Variants in PRKCE observed in about 807,000 individuals in gnomAD.
PRKCE encodes protein kinase C epsilon, also known as protein kinase C epsilon type.
A neutral mutation model predicts 85.4 loss-of-function variants in PRKCE; 16 were observed. The ratio of observed to expected loss-of-function variants is 0.19; its 90% confidence interval spans 0.13 to 0.28. The LOEUF is 0.28. PRKCE is among the 10% of genes least tolerant of loss of function. PRKCE has a pLI of 1.00. For synonymous variants in PRKCE, 388 were observed against 371.5 expected, an observed-to-expected ratio of 1.04 and a Z score of -0.51; for missense variants, 573 against 975.2, an observed-to-expected ratio of 0.59 and a Z score of 5.49.
At chr2:46,126,050 C>T (rs1574537889) in intron 11 of PRKCE, among the ~76,000 whole-genome samples, 1 of 152,332 alleles carries the variant, frequency 6.6e-6, no homozygotes, top group East Asian at 1.9e-4. Context: ...TGGGCTCAGG[C>T]AGTGTTGTTT....
intron 2 of PRKCE, among the ~76,000 whole-genome samples, chr2:45,930,218 C>G (rs905130865): frequency 1.3e-5 from 2 of 152,168 alleles, no homozygotes; most frequent in Non-Finnish European, 2.9e-5. Flanking sequence ...ATGTCACAGA[C>G]TGAATTAGAA....
chr2:45,795,719 C>T (rs141885027), intron 1 of PRKCE, among the ~76,000 whole-genome samples: 15 of 152,314 alleles, frequency 9.8e-5, no homozygotes, highest in African/African-American at 3.6e-4. Flanking sequence ...GCTCTGTGGG[C>T]CCTGGTTCCG....
chr2:46,082,902 A>T (rs72806767), intron 10 of PRKCE, among the ~76,000 whole-genome samples: 2,826 of 152,272 alleles, frequency 0.019, 46 homozygotes, highest in Non-Finnish European at 0.029. Flanking sequence ...TTTAACATAT[A>T]ATTTAACCTT....
chr2:45,994,347 A>G (rs907421790), intron 6 of PRKCE, among the ~76,000 whole-genome samples: 1 of 152,116 alleles, frequency 6.6e-6, no homozygotes, highest in African/African-American at 2.4e-5. Flanking sequence ...GTACATTTCC[A>G]TGATTTTGGA....
At chr2:45,967,139 T>C (rs1701785881) in intron 2 of PRKCE, among the ~76,000 whole-genome samples, 1 of 152,140 alleles carries the variant, frequency 6.6e-6, no homozygotes. Context: ...TTCCTGTAAA[T>C]ACCCCCATGG....
intron 14 of PRKCE, among the ~76,000 whole-genome samples, chr2:46,162,705 G>C (rs1677903167): frequency 6.6e-6 from 1 of 152,246 alleles, no homozygotes; most frequent in African/African-American, 2.4e-5. Context: ...GATCCTTAGA[G>C]AGTTCTCAGC....
At chr2:45,741,123 C>T (rs1216995044) in intron 1 of PRKCE, among the ~76,000 whole-genome samples, 1 of 152,142 alleles carries the variant, frequency 6.6e-6, no homozygotes, top group Non-Finnish European at 1.5e-5. Context: ...TGAATGCTGG[C>T]TTCGGGGATC....
intron 2 of PRKCE, among the ~76,000 whole-genome samples, chr2:45,924,714 C>A (rs1168392507): frequency 2.0e-5 from 3 of 152,260 alleles, no homozygotes; most frequent in Non-Finnish European, 4.4e-5. Flanking sequence ...GCTGCTGTTA[C>A]ATTACTGGCC....
At chr2:45,928,244 C>G (rs1386703981) in intron 2 of PRKCE, among the ~76,000 whole-genome samples, 2 of 152,192 alleles carry the variant, frequency 1.3e-5, no homozygotes, top group African/African-American at 2.4e-5. Context: ...AGACTCAAAG[C>G]TATAATGCTT....
chr2:45,828,888 A>T (rs932079796), intron 1 of PRKCE, among the ~76,000 whole-genome samples: 1 of 152,156 alleles, frequency 6.6e-6, no homozygotes, highest in Non-Finnish European at 1.5e-5. Context: ...CTTTTTCTTT[A>T]GCATATGTAC....
Position 45,800,885 on chromosome 2 carries a change from G to A in PRKCE, c.349-42115G>A, listed in dbSNP as rs79692033. On this transcript the variant is annotated intron_variant, in intron 1 of 14. Transcript: ENST00000306156. ...CATGGTTCCAGGTCCTCCCAGAGCC[G>A]GGGATTATAATCCACTCTATGAGAG... is the stretch of plus-strand genomic sequence containing the variant. 4.1e-3 allele frequency among the ~76,000 whole-genome samples: 624 copies of A among 152,220 alleles called. 5 individuals carry two copies. Among genetic ancestry groups the A allele is most frequent in the African/African-American group, 0.014 (595 of 41,516 alleles).
rs1675964415 is a variant in PRKCE, at chr2:46,145,331, C to CTGTGGGG, written c.1731+101_1731+102insGTGGGGT. On this transcript the variant is annotated intron_variant, in intron 12 of 14. Transcript: ENST00000306156. The surrounding 1 kb of genome is among the most constrained non-coding windows in gnomAD (Gnocchi z 4.6). ...GTCATCTAGTGGTGCTGGGGGAAGGCTCTGGAAATCCAGGATGGATTCTAG... is the reference window on the plus strand; with the variant it reads ...GTCATCTAGTGGTGCTGGGGGAAGGCTGTGGGGTCTGGAAATCCAGGATGGATTCTAG... 1 of 1,459,300 alleles carries CTGTGGGG rather than the reference C, an allele frequency of 6.9e-7. No individual in the cohort carries two copies. The highest frequency in any genetic ancestry group is 9.3e-7 in the Non-Finnish European group (1 of 1,073,590). The allele number at this position is 1,459,300 out of a possible 1,614,324, so 90.4% of individuals were successfully genotyped here. A position where few individuals can be genotyped will look rare whatever the true frequency, so the allele number is the denominator to read the frequency against.
chr2:45,876,017 G>A (rs1024938755), intron 2 of PRKCE, among the ~76,000 whole-genome samples: 12 of 152,156 alleles, frequency 7.9e-5, no homozygotes, highest in African/African-American at 2.7e-4. Context: ...TTCTATGGGG[G>A]CTAAAAATCT....
chr2:45,963,127 G>C (rs916248369), intron 2 of PRKCE, among the ~76,000 whole-genome samples: 9 of 152,044 alleles, frequency 5.9e-5, no homozygotes, highest in Non-Finnish European at 1.0e-4. Context: ...AGATGGGCCT[G>C]GGTCGATAGA....
Position 45,697,447 on chromosome 2 carries a change from G to A in PRKCE, c.348+44999G>A, listed in dbSNP as rs1678247891. On this transcript the variant is annotated intron_variant, in intron 1 of 14. Transcript: ENST00000306156. This position sits in a 1 kb window ranked among gnomAD's most constrained non-coding sequence, Gnocchi z 4.2. ...TATTTATTTAGCCAGGACAGATAAG[G>A]ACTAACAAACAAAACCAAACCAGAG... is the stretch of plus-strand genomic sequence containing the variant. Among the ~76,000 whole-genome samples, 1 of 152,134 alleles carries A rather than the reference G, an allele frequency of 6.6e-6. No individual in the cohort carries two copies. The highest frequency in any genetic ancestry group is 2.1e-4 in the South Asian group (1 of 4,828).
intron 1 of PRKCE, among the ~76,000 whole-genome samples, chr2:45,827,241 C>G (rs981235637): frequency 3.0e-4 from 45 of 152,224 alleles, no homozygotes; most frequent in Admixed American, 2.9e-3. Context: ...CTGGCTTTTT[C>G]GATGATCAGG....
At chr2:46,100,328 T>C (rs1288678984) in intron 11 of PRKCE, among the ~76,000 whole-genome samples, 1 of 152,106 alleles carries the variant, frequency 6.6e-6, no homozygotes, top group African/African-American at 2.4e-5. Context: ...CGTCTGTGGG[T>C]TTTCCTCCCT....
At chr2:45,666,690 C>T (rs1027874126) in intron 1 of PRKCE, among the ~76,000 whole-genome samples, 9 of 151,982 alleles carry the variant, frequency 5.9e-5, no homozygotes, top group South Asian at 2.1e-4. Context: ...TTGTGCCCTC[C>T]GTTTAAAATT....
At chr2:46,126,944 T>C (rs1375880826) in intron 11 of PRKCE, among the ~76,000 whole-genome samples, 1 of 152,202 alleles carries the variant, frequency 6.6e-6, no homozygotes, top group East Asian at 1.9e-4. Flanking sequence ...TTAACAGACT[T>C]GTCCTAGGTG....
Sources: allele counts gnomAD v4.1 joint callset (sites outside exome capture counted in the v4.1 genomes callset), GRCh38; gene constraint gnomAD v4.1.1; non-coding constraint Gnocchi (gnomAD v3.1); transcripts MANE v1.5; gene names NCBI Gene and HGNC (gene_info 2026-07-23, HGNC 2026-07-21).